NXPH1: variants seen among roughly 807,000 people sequenced by gnomAD.
NXPH1 encodes the protein neurexophilin-1.
In NXPH1, 5 loss-of-function variants were observed where a neutral mutation model predicts 23.7. The ratio of observed to expected loss-of-function variants is 0.21; its 90% confidence interval spans 0.11 to 0.44. NXPH1 has a LOEUF of 0.44. Ranked by LOEUF, NXPH1 falls within the 20% of genes least tolerant of loss-of-function variation. The pLI, the probability that NXPH1 is intolerant of heterozygous loss-of-function variation, is 0.99. For missense variants in NXPH1, 324 were observed against 321.6 expected, an observed-to-expected ratio of 1.01 and a Z score of -0.06; for synonymous variants, 144 against 122.2, an observed-to-expected ratio of 1.18 and a Z score of -1.18.
rs1349017262 is a variant in NXPH1, at chr7:8,739,190, A to G, written c.55-11818A>G. On this transcript the variant is annotated intron_variant, in intron 2 of 2. Transcript: ENST00000405863. ...GTGGGGTAAAAAAAAAAAAAAAAAA[A>G]AAAAAAAAAAAAAACCCTGCAGCTA... Among the ~76,000 whole-genome samples the G allele has an allele frequency of 2.0e-5, 3 of 150,302 alleles. No homozygotes were observed. The South Asian group carries it at 6.3e-4, about 32-fold the overall frequency.
chr7:8,715,293 A>G (rs1217413556), intron 2 of NXPH1, among the ~76,000 whole-genome samples: 1 of 152,042 alleles, frequency 6.6e-6, no homozygotes, highest in Non-Finnish European at 1.5e-5. Flanking sequence ...CACATGGCGA[A>G]CTGCTGTGAG....
chr7:8,620,710 C>T lies in NXPH1; in HGVS notation c.55-130298C>T, dbSNP rs148693385. Among the ~76,000 whole-genome samples the T allele has an allele frequency of 2.4e-3, 370 of 152,302 alleles. 2 individuals carry two copies. The highest frequency in any genetic ancestry group is 0.02 in the Middle Eastern group (6 of 294). The stretch of plus-strand genomic sequence containing the variant: ...GCTAATTCTACGCTTTAGAATTATA[C>T]GAACCAATACATTTCTCCTTTCCTT... On this transcript the variant is annotated intron_variant, in intron 2 of 2. Coordinates refer to ENST00000405863, the MANE Select transcript of NXPH1 (RefSeq NM_152745.3).
At chr7:8,746,776 T>A (rs1412295813) in intron 2 of NXPH1, among the ~76,000 whole-genome samples, 1 of 151,992 alleles carries the variant, frequency 6.6e-6, no homozygotes, top group African/African-American at 2.4e-5. Context: ...GCAAAGCAGA[T>A]CTCTAGAATT....
intron 2 of NXPH1, among the ~76,000 whole-genome samples, chr7:8,663,008 G>C (rs1042776745): frequency 3.3e-5 from 5 of 152,070 alleles, no homozygotes; most frequent in African/African-American, 1.2e-4. Flanking sequence ...AGGTATGAGT[G>C]TAATACTGTG....
chr7:8,434,580 G>C lies in NXPH1; in HGVS notation c.-286G>C, dbSNP rs1816154993. On this transcript the variant is annotated 5_prime_UTR_variant, in exon 1 of 3. Coordinates refer to ENST00000405863, the MANE Select transcript of NXPH1 (RefSeq NM_152745.3). The surrounding 1 kb of genome is among the most constrained non-coding windows in gnomAD (Gnocchi z 7.6). Reference sequence around the variant, plus strand: ...ATCCTGAGCGCGACCCGGGCACTGGGACGGCGACTCCGCCAAAGCTGGACG... The same window carrying C: ...ATCCTGAGCGCGACCCGGGCACTGGCACGGCGACTCCGCCAAAGCTGGACG... 6.5e-6 allele frequency: 1 copy of C among 152,738 alleles called. No homozygotes were observed. The allele number at this position is 152,738 out of a possible 1,614,324, so 9.5% of individuals were successfully genotyped here. A position where few individuals can be genotyped will look rare whatever the true frequency, so the allele number is the denominator to read the frequency against.
chr7:8,523,684 A>G (rs571590825), intron 2 of NXPH1, among the ~76,000 whole-genome samples: 1 of 152,310 alleles, frequency 6.6e-6, no homozygotes, highest in East Asian at 1.9e-4. Flanking sequence ...GACCTGACAC[A>G]GACTAGGCAT....
At chr7:8,619,364 G>T (rs577775937) in intron 2 of NXPH1, among the ~76,000 whole-genome samples, 1 of 152,094 alleles carries the variant, frequency 6.6e-6, no homozygotes, top group Non-Finnish European at 1.5e-5. Context: ...GCTGCATCTG[G>T]GATGAAGCTT....
intron 2 of NXPH1, among the ~76,000 whole-genome samples, chr7:8,733,635 A>T (rs929499993): frequency 3.9e-5 from 6 of 152,046 alleles, no homozygotes; most frequent in African/African-American, 1.5e-4. Context: ...ATGACCAGTG[A>T]TGAGCTTTTT....
Position 8,678,347 on chromosome 7 carries a change from T to G in NXPH1, c.55-72661T>G, listed in dbSNP as rs551583406. ...CACATCTTTCCCTTGAGTAGATATA[T>G]TTTTCCTTTTCCTTTACTCCTCTTA... On this transcript the variant is annotated intron_variant, in intron 2 of 2. Transcript: ENST00000405863. Among the ~76,000 whole-genome samples the G allele has an allele frequency of 1.5e-3, 236 of 152,314 alleles. 1 individual carries two copies. The highest frequency in any genetic ancestry group is 5.4e-3 in the African/African-American group (225 of 41,576).
intron 2 of NXPH1, among the ~76,000 whole-genome samples, chr7:8,655,729 C>T (rs7795915): frequency 0.71 from 107,290 of 151,754 alleles, 38,664 homozygotes; most frequent in East Asian, 1. Context: ...AAGAAGAGTT[C>T]ACAGGCAGCC....
At chr7:8,645,626 G>A (rs372465696) in intron 2 of NXPH1, among the ~76,000 whole-genome samples, 1 of 150,264 alleles carries the variant, frequency 6.7e-6, no homozygotes, top group Non-Finnish European at 1.5e-5. Context: ...TTCTTCTAAT[G>A]TTTTCATCAT....
At chr7:8,674,192 CACACACACACA>C (rs1562450745) in intron 2 of NXPH1, among the ~76,000 whole-genome samples, 23 of 144,748 alleles carry the variant, frequency 1.6e-4, no homozygotes, top group East Asian at 4.8e-4. Context: ...CACACACACA[CACACACACACA>C]CCTATGCAAT....
At chr7:8,716,048 A>G (rs954131717) in intron 2 of NXPH1, among the ~76,000 whole-genome samples, 1 of 152,150 alleles carries the variant, frequency 6.6e-6, no homozygotes. Context: ...CACTAATGTG[A>G]GTTTCACATG....
chr7:8,634,494 T>C (rs1820185893), intron 2 of NXPH1, among the ~76,000 whole-genome samples: 1 of 152,108 alleles, frequency 6.6e-6, no homozygotes, highest in Non-Finnish European at 1.5e-5. Context: ...AATAGACTAA[T>C]ACACCTGGAT....
chr7:8,637,832 G>A (rs539530476), intron 2 of NXPH1, among the ~76,000 whole-genome samples: 2 of 152,244 alleles, frequency 1.3e-5, no homozygotes, highest in South Asian at 4.1e-4. Flanking sequence ...ATTCAACTGG[G>A]TAAATATATT....
intron 2 of NXPH1, among the ~76,000 whole-genome samples, chr7:8,466,731 G>T (rs1482512185): frequency 6.6e-6 from 1 of 152,114 alleles, no homozygotes; most frequent in Non-Finnish European, 1.5e-5. Context: ...ATACCTTGAA[G>T]AAACTTTGGG....
rs559829483 is a variant in NXPH1 at position 8,559,722 on chromosome 7, C to A, written c.54+123955C>A. The stretch of plus-strand genomic sequence containing the variant: ...GACCTTATAGGTTTAGGTCCGTAAA[C>A]TTCACCTTATATTTTTCCTTCCAGA... On this transcript the variant is annotated intron_variant, in intron 2 of 2. Coordinates refer to ENST00000405863, the MANE Select transcript of NXPH1 (RefSeq NM_152745.3). Among the ~76,000 whole-genome samples, 12 of 151,788 alleles carry A rather than the reference C, an allele frequency of 7.9e-5. No individual in the cohort carries two copies. The South Asian group carries it at 2.5e-3, about 31-fold the overall frequency.
chr7:8,668,459 GA>G (rs1820816816), intron 2 of NXPH1, among the ~76,000 whole-genome samples: 2 of 152,138 alleles, frequency 1.3e-5, no homozygotes, highest in African/African-American at 4.8e-5. Flanking sequence ...AAGCTTATTT[GA>G]TTCTTGGGTT....
At chr7:8,631,386 A>T (rs1222675006) in intron 2 of NXPH1, among the ~76,000 whole-genome samples, 1 of 152,226 alleles carries the variant, frequency 6.6e-6, no homozygotes, top group East Asian at 1.9e-4. Context: ...CATGATGAAG[A>T]TGCCAAAAGC....
Sources: gnomAD v4.1 joint callset for allele counts (sites outside exome capture counted in the v4.1 genomes callset) on GRCh38, gnomAD v4.1.1 for gene constraint, Gnocchi (gnomAD v3.1) non-coding constraint, MANE v1.5 for transcripts, NCBI Gene and HGNC (gene_info 2026-07-23, HGNC 2026-07-21) for gene names.